CCSER1: variants seen among roughly 807,000 people sequenced by gnomAD.
CCSER1 encodes the protein serine-rich coiled-coil domain-containing protein 1.
In CCSER1, 41 loss-of-function variants were observed where a neutral mutation model predicts 82.0. That is an observed-to-expected ratio of 0.50 (90% CI 0.39 to 0.65). The LOEUF is 0.65. Among genes scored for constraint, CCSER1 ranks in the 30% least tolerant of loss-of-function variants. CCSER1 has a pLI of 0.00. For synonymous variants in CCSER1, 414 were observed against 383.9 expected (o/e 1.08, Z -0.92); for missense variants, 1,119 against 1,064.2 (o/e 1.05, Z -0.72).
At chr4:91,049,695 C>T (rs1321868478) in intron 9 of CCSER1, among the ~76,000 whole-genome samples, 1 of 152,090 alleles carries the variant, frequency 6.6e-6, no homozygotes, top group African/African-American at 2.4e-5. Flanking sequence ...ACAAATGACC[C>T]AAAGAACTCA....
Position 91,598,587 on chromosome 4 carries a change from C to T in CCSER1, c.2233C>T (p.Arg745Ter). ...QGGREATYRNRIVSQNLSTRD... is the reference protein window; with the variant it reads ...QGGREATYRN ...CTTACCATAGGCTACATATCGAAAT[C>T]GAATTGTGAGCCAAAATCTCAGCAC... Residue 745 changes from arginine to a stop codon, truncating the protein, a stop_gained, in exon 11 of 11, where the codon CGA (arginine) becomes TGA (stop). Transcript: ENST00000509176. LOFTEE classifies it high-confidence loss of function. The T allele has an allele frequency of 6.5e-7, 1 of 1,548,206 alleles. No homozygotes were observed. The highest frequency in any genetic ancestry group is 8.7e-7 in the Non-Finnish European group (1 of 1,144,682).
At chr4:90,650,218 AAAAC>A (rs10593067) in intron 6 of CCSER1, among the ~76,000 whole-genome samples, 26,364 of 151,692 alleles carry the variant, frequency 0.17, 2,500 homozygotes, top group African/African-American at 0.26. Flanking sequence ...CTCCGTCTCA[AAAAC>A]AAACAAACAA....
In CCSER1 at chr4:91,202,549, G is replaced by GA. The variant is rs1735984999; in HGVS notation, c.2217+116558dup. 2.0e-5 allele frequency among the ~76,000 whole-genome samples: 3 copies of GA among 152,062 alleles called. No individual in the cohort carries two copies. In the South Asian group the frequency reaches 6.2e-4, roughly 32 times the overall value. ...ATGTCAAGGATTTTTATTGATTGCC[G>GA]AAAGAGGCAGGATAGTATTTAAAGA... On this transcript the variant is annotated intron_variant, in intron 10 of 10. Transcript: ENST00000509176.
intron 9 of CCSER1, among the ~76,000 whole-genome samples, chr4:91,004,208 C>A (rs965069700): frequency 1.3e-5 from 2 of 152,176 alleles, no homozygotes; most frequent in East Asian, 3.9e-4. Context: ...GCTCTGTCTG[C>A]AAATGAGCTG....
intron 10 of CCSER1, among the ~76,000 whole-genome samples, chr4:91,229,538 A>T (rs1280199256): frequency 6.6e-6 from 1 of 152,138 alleles, no homozygotes; most frequent in Non-Finnish European, 1.5e-5. Flanking sequence ...ATGCACATGT[A>T]TGTTTATTGC....
intron 10 of CCSER1, among the ~76,000 whole-genome samples, chr4:91,399,460 A>C (rs1362728902): frequency 6.6e-6 from 1 of 151,982 alleles, no homozygotes; most frequent in East Asian, 1.9e-4. Context: ...AAAACACTTC[A>C]ATTTTTATCC....
intron 8 of CCSER1, among the ~76,000 whole-genome samples, chr4:90,921,422 A>C (rs1728365875): frequency 6.6e-6 from 1 of 152,042 alleles, no homozygotes; most frequent in African/African-American, 2.4e-5. Flanking sequence ...TGTTGTGATT[A>C]ATGCCTACAA....
intron 10 of CCSER1, among the ~76,000 whole-genome samples, chr4:91,337,387 G>GT (rs1439657070): frequency 6.6e-6 from 1 of 152,084 alleles, no homozygotes; most frequent in East Asian, 1.9e-4. Context: ...TACAATGGCT[G>GT]TATCAGTGGA....
intron 3 of CCSER1, among the ~76,000 whole-genome samples, chr4:90,337,161 G>T (rs1300114444): frequency 6.6e-6 from 1 of 152,206 alleles, no homozygotes; most frequent in Non-Finnish European, 1.5e-5. Flanking sequence ...AAGCAGAATT[G>T]CACAGAAGGA....
At chr4:91,459,503 C>A (rs1217590571) in intron 10 of CCSER1, among the ~76,000 whole-genome samples, 3 of 152,052 alleles carry the variant, frequency 2.0e-5, no homozygotes, top group Non-Finnish European at 2.9e-5. Context: ...CACAGGATAA[C>A]AAGACCGAAG....
intron 10 of CCSER1, among the ~76,000 whole-genome samples, chr4:91,226,551 A>G (rs549345516): frequency 6.6e-6 from 1 of 152,026 alleles, no homozygotes; most frequent in South Asian, 2.1e-4. Context: ...AAATCTAAAG[A>G]CATTTGGATT....
chr4:90,485,670 T>C (rs1766921266), intron 5 of CCSER1, among the ~76,000 whole-genome samples: 1 of 152,154 alleles, frequency 6.6e-6, no homozygotes, highest in African/African-American at 2.4e-5. Context: ...TACTCATTAG[T>C]GATTTTTCCT....
At chr4:91,431,413 G>T (rs995351779) in intron 10 of CCSER1, among the ~76,000 whole-genome samples, 2 of 152,032 alleles carry the variant, frequency 1.3e-5, no homozygotes, top group African/African-American at 2.4e-5. Flanking sequence ...AGTTTTCTAG[G>T]TATACTTCTA....
intron 9 of CCSER1, among the ~76,000 whole-genome samples, chr4:91,002,135 T>C (rs1738092259): frequency 6.6e-6 from 1 of 152,226 alleles, no homozygotes; most frequent in African/African-American, 2.4e-5. Flanking sequence ...GTTAATCTGA[T>C]AGGTTTTCCT....
intron 10 of CCSER1, among the ~76,000 whole-genome samples, chr4:91,164,654 T>C (rs907015887): frequency 2.0e-5 from 3 of 152,154 alleles, no homozygotes; most frequent in African/African-American, 7.2e-5. Flanking sequence ...TCTCTAAACT[T>C]CTCTTCTCAC....
Position 90,308,929 on chromosome 4 carries a change from G to C in CCSER1, c.645G>C (p.Gln215His). The C allele has an allele frequency of 3.1e-6, 5 of 1,613,850 alleles. No homozygotes were observed. Among genetic ancestry groups the C allele is most frequent in the Non-Finnish European group, 4.2e-6 (5 of 1,179,824 alleles). ...CTGAATTCTCATTGGAAGTTACACA[G>C]TACCAAGAGAGAGAACCTGTATTAG... is the stretch of plus-strand genomic sequence containing the variant. ...QQSEFSLEVTQYQEREPVLVR... is the reference protein window; with the variant it reads ...QQSEFSLEVTHYQEREPVLVR... The change falls in exon 2 of 11, where the codon CAG becomes CAC. Residue 215 changes from glutamine to histidine, a missense_variant. Transcript: ENST00000509176.
chr4:90,362,191 C>A (rs755468795), intron 3 of CCSER1, among the ~76,000 whole-genome samples: 1 of 152,098 alleles, frequency 6.6e-6, no homozygotes, highest in Admixed American at 6.6e-5. Flanking sequence ...TGTCAACATG[C>A]ATGAAATTAT....
rs556003504 is a variant in CCSER1 at position 91,203,497 on chromosome 4, G to C, written c.2217+117503G>C. Among the ~76,000 whole-genome samples the C allele has an allele frequency of 6.2e-5, 9 of 144,256 alleles. No individual in the cohort carries two copies. In the South Asian group the frequency reaches 1.9e-3, roughly 30 times the overall value. The allele number at this position is 144,256 out of a possible 152,430, so 94.6% of individuals were successfully genotyped here. On this transcript the variant is annotated intron_variant, in intron 10 of 10. Coordinates refer to ENST00000509176, the MANE Select transcript of CCSER1 (RefSeq NM_001145065.2). ...TGGAGGTTATATTCTAGAGGAATTAGATAGATAATAAACACACACACACAC... is the reference window on the plus strand; with the variant it reads ...TGGAGGTTATATTCTAGAGGAATTACATAGATAATAAACACACACACACAC...
chr4:90,550,164 T>TCCTATAAAGACA (rs1777283070), intron 5 of CCSER1, among the ~76,000 whole-genome samples: 1 of 152,080 alleles, frequency 6.6e-6, no homozygotes, highest in Admixed American at 6.6e-5. Context: ...CAAGGGGTAG[T>TCCTATAAAGACA]TATAAAGAGA....
Sources: allele counts gnomAD v4.1 joint callset (sites outside exome capture counted in the v4.1 genomes callset), GRCh38; gene constraint gnomAD v4.1.1; transcripts MANE v1.5; gene names NCBI Gene and HGNC (gene_info 2026-07-23, HGNC 2026-07-21).